Variants in EXTL3 observed in about 807,000 individuals in gnomAD.
EXTL3 encodes the protein exostosin-like 3.
A neutral mutation model predicts 69.3 loss-of-function variants in EXTL3; 27 were observed. That is an observed-to-expected ratio of 0.39 (90% CI 0.29 to 0.54). The LOEUF (loss-of-function observed/expected upper bound fraction) is 0.54, where lower values mean the gene tolerates loss of function less well. EXTL3 is among the 20% of genes least tolerant of loss of function. EXTL3 has a pLI of 0.69. For missense variants in EXTL3, 1,003 were observed against 1,231.8 expected (o/e 0.81, Z 2.78); for synonymous variants, 511 against 499.4 (o/e 1.02, Z -0.31).
intron 1 of EXTL3, among the ~76,000 whole-genome samples, chr8:28,644,413 G>GT: frequency 6.6e-6 from 1 of 152,200 alleles, no homozygotes; most frequent in African/African-American, 2.4e-5. Flanking sequence ...AAAATAAAAT[G>GT]TTTGGCCCAG....
chr8:28,635,053 G>T (rs1806631394), intron 1 of EXTL3, among the ~76,000 whole-genome samples: 1 of 152,046 alleles, frequency 6.6e-6, no homozygotes, highest in African/African-American at 2.4e-5. Context: ...GTGTGTGAAG[G>T]CTGTAAATGA....
rs1244029137 is a variant in EXTL3, at chr8:28,717,650, C to T, written c.1591C>T (p.Leu531=). The part of the protein sequence containing the change: ...STADSIFNTV[L]AMIRTRIQIP... Reference sequence around the variant, plus strand: ...TGCTGACAGTATTTTTAATACCGTGCTGGCTATGATTAGGACTCGCATCCA... The same window carrying T: ...TGCTGACAGTATTTTTAATACCGTGTTGGCTATGATTAGGACTCGCATCCA... Residue 531 remains leucine, a synonymous_variant, in exon 3 of 7, where the codon CTG becomes TTG. Coordinates refer to ENST00000220562, the MANE Select transcript of EXTL3 (RefSeq NM_001440.4). The surrounding 1 kb of genome is among the most constrained non-coding windows in gnomAD (Gnocchi z 8.3). 6.2e-7 allele frequency: 1 copy of T among 1,614,230 alleles called. No individual in the cohort carries two copies. Among genetic ancestry groups the T allele is most frequent in the South Asian group, 1.1e-5 (1 of 91,086 alleles).
At chr8:28,730,657 A>C (rs752844067) in intron 3 of EXTL3, among the ~76,000 whole-genome samples, 1 of 152,242 alleles carries the variant, frequency 6.6e-6, no homozygotes, top group Non-Finnish European at 1.5e-5. Context: ...ACTTGAGTAC[A>C]TGATACCTTG....
chr8:28,722,518 G>A (rs1801314233), intron 3 of EXTL3, among the ~76,000 whole-genome samples: 1 of 152,096 alleles, frequency 6.6e-6, no homozygotes, highest in Non-Finnish European at 1.5e-5. Context: ...GCTCACGCCT[G>A]TAATCCCAGC....
chr8:28,708,558 G>A (rs1053750581), intron 1 of EXTL3, among the ~76,000 whole-genome samples: 2 of 151,694 alleles, frequency 1.3e-5, no homozygotes, highest in Non-Finnish European at 2.9e-5. Context: ...TGTTTGTCAT[G>A]CCTGTAGTTA....
chr8:28,610,223 G>A (rs1283641758), intron 2 of EXTL3, among the ~76,000 whole-genome samples: 1 of 151,926 alleles, frequency 6.6e-6, no homozygotes, highest in South Asian at 2.1e-4. Context: ...ATATGTGTGT[G>A]TGTGTGTGTG....
At chr8:28,722,206 T>C (rs994491871) in intron 3 of EXTL3, among the ~76,000 whole-genome samples, 4 of 152,158 alleles carry the variant, frequency 2.6e-5, no homozygotes, top group African/African-American at 9.6e-5. Flanking sequence ...GAGAAGGCAG[T>C]GGGACCAGCA....
At chr8:28,637,053 ACAT>A (rs1368558084) in intron 1 of EXTL3, among the ~76,000 whole-genome samples, 2 of 152,068 alleles carry the variant, frequency 1.3e-5, no homozygotes, top group African/African-American at 4.8e-5. Context: ...GAGGAAGGAA[ACAT>A]AGTGTTATAT....
chr8:28,715,628 T>A lies in EXTL3; in HGVS notation c.-432T>A, dbSNP rs1801126998. On this transcript the variant is annotated 5_prime_UTR_variant, in exon 3 of 7. Coordinates refer to ENST00000220562, the MANE Select transcript of EXTL3 (RefSeq NM_001440.4). ...GCATCATAAGAAGCTGGCATTTATTTCTGTTCTAACCTATTACTGTATAAC... is the reference window on the plus strand; with the variant it reads ...GCATCATAAGAAGCTGGCATTTATTACTGTTCTAACCTATTACTGTATAAC... The A allele has an allele frequency of 6.2e-6, 1 of 162,500 alleles. No individual in the cohort carries two copies. Among genetic ancestry groups the A allele is most frequent in the Non-Finnish European group, 1.3e-5 (1 of 74,444 alleles). 10.1% of individuals were successfully genotyped at this position (162,500 alleles called of 1,614,324 possible).
intron 1 of EXTL3, among the ~76,000 whole-genome samples, chr8:28,660,875 A>G (rs367591084): frequency 2.7e-4 from 13 of 47,512 alleles, no homozygotes; most frequent in South Asian, 7.0e-4. Flanking sequence ...TGCTATTGCT[A>G]TTTTAATGGG....
At chr8:28,677,200 G>T (rs1807401266) in intron 1 of EXTL3, among the ~76,000 whole-genome samples, 1 of 152,182 alleles carries the variant, frequency 6.6e-6, no homozygotes, top group South Asian at 2.1e-4. Context: ...CCAGAGATGT[G>T]CATGGTAAAA....
At chr8:28,633,453 C>T (rs1301494841) in intron 1 of EXTL3, among the ~76,000 whole-genome samples, 3 of 151,902 alleles carry the variant, frequency 2.0e-5, no homozygotes, top group Non-Finnish European at 2.9e-5. Flanking sequence ...AGTTTGAGAC[C>T]AGCCTGGCCA....
chr8:28,702,555 C>G (rs1800831827), intron 1 of EXTL3, among the ~76,000 whole-genome samples: 1 of 148,940 alleles, frequency 6.7e-6, no homozygotes, highest in South Asian at 2.1e-4. Context: ...GATTTTGCCC[C>G]TCCCCCGCCA....
chr8:28,671,302 GTTTTTTGT>G (rs1807286997), intron 1 of EXTL3, among the ~76,000 whole-genome samples: 5 of 100,940 alleles, frequency 5.0e-5, no homozygotes, highest in African/African-American at 2.0e-4. Flanking sequence ...TTTATGTTTT[GTTTTTTGT>G]TTTTTTTTTT....
At chr8:28,724,642 A>G (rs1801372121) in intron 3 of EXTL3, among the ~76,000 whole-genome samples, 1 of 151,958 alleles carries the variant, frequency 6.6e-6, no homozygotes, top group African/African-American at 2.4e-5. Flanking sequence ...AGAAAAAAAA[A>G]TACAAAAATT....
At chr8:28,642,152 A>G (rs1806754903) in intron 1 of EXTL3, among the ~76,000 whole-genome samples, 1 of 152,142 alleles carries the variant, frequency 6.6e-6, no homozygotes, top group South Asian at 2.1e-4. Flanking sequence ...ATTTTTAATT[A>G]AAAATTTAGG....
intron 1 of EXTL3, among the ~76,000 whole-genome samples, chr8:28,648,176 G>A (rs1373828353): frequency 6.6e-6 from 1 of 152,186 alleles, no homozygotes; most frequent in Non-Finnish European, 1.5e-5. Context: ...TTCTGATGCT[G>A]AGTTTCCATA....
Position 28,731,921 on chromosome 8 carries a change from C to T in EXTL3, c.2276+571C>T, listed in dbSNP as rs1008310994. ...ATGATGATGGTAAACATATGTTGAA[C>T]CCGTACTGTGTGCCAGGGACTAGCC... On this transcript the variant is annotated intron_variant, in intron 4 of 6. Coordinates refer to ENST00000220562, the MANE Select transcript of EXTL3 (RefSeq NM_001440.4). Among the ~76,000 whole-genome samples, 4 of 152,074 alleles carry T rather than the reference C, an allele frequency of 2.6e-5. No homozygotes were observed. The East Asian group carries it at 7.7e-4, about 29-fold the overall frequency.
chr8:28,625,899 G>A (rs1257742678), intron 1 of EXTL3, among the ~76,000 whole-genome samples: 2 of 147,500 alleles, frequency 1.4e-5, no homozygotes, highest in Non-Finnish European at 3.0e-5. Context: ...GGTGGCTCAC[G>A]CCTATAATCC....
Sources: gnomAD v4.1 joint callset for allele counts (sites outside exome capture counted in the v4.1 genomes callset) on GRCh38, gnomAD v4.1.1 for gene constraint, Gnocchi (gnomAD v3.1) non-coding constraint, MANE v1.5 for transcripts, NCBI Gene and HGNC (gene_info 2026-07-23, HGNC 2026-07-21) for gene names.